Variants in MAOA observed in about 807,000 individuals in gnomAD.
The protein encoded by MAOA is monoamine oxidase A.
MAOA carries 6 observed loss-of-function variants against 42.0 expected under a neutral mutation model. That is an observed-to-expected ratio of 0.14 (90% confidence interval 0.08 to 0.28). MAOA has a LOEUF of 0.28. Among genes scored for constraint, MAOA ranks in the 10% least tolerant of loss-of-function variants. The pLI is 1.00. For synonymous variants in MAOA, 140 were observed against 154.0 expected (o/e 0.91, Z 0.67); for missense variants, 262 against 422.3 (o/e 0.62, Z 3.33).
chrX:43,677,728 G>A (rs921870316), intron 1 of MAOA, among the ~76,000 whole-genome samples: 3 of 111,500 alleles, frequency 2.7e-5, no homozygotes, highest in Non-Finnish European at 5.6e-5. Flanking sequence ...ATATCTCCTT[G>A]TTCACACAAT....
In MAOA at chrX:43,693,221, ATT is replaced by A. The variant is rs200297353; in HGVS notation, c.169-64_169-63del. The A allele has an allele frequency of 5.0e-3, 5,298 of 1,065,825 alleles. 128 individuals carry two copies. In the Admixed American group the frequency reaches 0.074, roughly 15 times the overall value. 87.8% of individuals were successfully genotyped at this position (1,065,825 alleles called of 1,213,427 possible). On this transcript the variant is annotated intron_variant, in intron 2 of 14. Transcript: ENST00000338702. ...AACTTTTAAAAAAATAAATGGGGTTATTTTTTTACAAGACACCTTTTTTCCAA... is the reference window on the plus strand; with the variant it reads ...AACTTTTAAAAAAATAAATGGGGTTATTTTTACAAGACACCTTTTTTCCAA...
At chrX:43,713,947 G>T (rs1368653771) in intron 5 of MAOA, among the ~76,000 whole-genome samples, 1 of 111,328 alleles carries the variant, frequency 9.0e-6, no homozygotes, top group African/African-American at 3.3e-5. Context: ...AAGTTGGGGG[G>T]ATAGTATCTG....
intron 1 of MAOA, among the ~76,000 whole-genome samples, chrX:43,677,958 T>C (rs762302747): frequency 8.9e-6 from 1 of 111,932 alleles, no homozygotes; most frequent in African/African-American, 3.2e-5. Flanking sequence ...TCACAAATTT[T>C]TGACACTAGG....
At position 43,731,804 on chromosome X, in the gene MAOA, T is replaced by C; in HGVS notation, c.906T>C (p.Ala302=). 1 of 1,208,846 alleles carries C rather than the reference T, an allele frequency of 8.3e-7. No homozygotes were observed. The highest frequency in any genetic ancestry group is 1.1e-6 in the Non-Finnish European group (1 of 892,729). Residue 302 remains alanine, a synonymous_variant, in exon 8 of 15, where the codon GCT becomes GCC. Transcript: ENST00000338702. ...TAATTCAGCGGCTTCCAATGGGAGC[T>C]GTCATTAAGTGCATGATGTATTACA... The part of the protein sequence containing the change: ...NQLIQRLPMG[A]VIKCMMYYKE...
intron 6 of MAOA, among the ~76,000 whole-genome samples, chrX:43,730,537 G>A (rs1200420000): frequency 1.1e-5 from 1 of 88,660 alleles, no homozygotes; most frequent in Admixed American, 1.5e-4. Context: ...TGTTGCCCAC[G>A]CTGGAGTGCA....
chrX:43,736,764 G>GTT (rs1238461275), intron 10 of MAOA, among the ~76,000 whole-genome samples: 8 of 101,452 alleles, frequency 7.9e-5, no homozygotes, highest in Admixed American at 5.3e-4. Context: ...TAGGACAGTG[G>GTT]TTTTTTTTTT....
At chrX:43,699,153 A>G (rs1223856679) in intron 3 of MAOA, among the ~76,000 whole-genome samples, 1 of 111,154 alleles carries the variant, frequency 9.0e-6, no homozygotes, top group Non-Finnish European at 1.9e-5. Flanking sequence ...TAAATAAAAT[A>G]AAACATTCTC....
At chrX:43,726,459 C>T (rs1293967402) in intron 5 of MAOA, among the ~76,000 whole-genome samples, 1 of 111,972 alleles carries the variant, frequency 8.9e-6, no homozygotes, top group Admixed American at 9.5e-5. Context: ...TCCACTTGAT[C>T]GATTCGGCTG....
upstream of MAOA, chrX:43,655,152 C>CGCACCAGTACCGGCACCG (rs2033166236): frequency 5.1e-5 from 6 of 118,770 alleles, no homozygotes; most frequent in South Asian, 5.6e-4. Context: ...CACCAGTACC[C>CGCACCAGTACCGGCACCG]GCACCAGTAC....
chrX:43,739,860 C>G (rs1362445264), intron 10 of MAOA, among the ~76,000 whole-genome samples: 1 of 112,020 alleles, frequency 8.9e-6, no homozygotes, highest in African/African-American at 3.2e-5. Flanking sequence ...GAAATAAAAC[C>G]ATTAATTTCT....
intron 5 of MAOA, among the ~76,000 whole-genome samples, chrX:43,726,540 T>A (rs2033837234): frequency 8.9e-6 from 1 of 112,256 alleles, no homozygotes; most frequent in Non-Finnish European, 1.9e-5. Flanking sequence ...TTTATGTTCT[T>A]CTCTACACTG....
chrX:43,740,433 T>TA (rs1455384408), intron 10 of MAOA, among the ~76,000 whole-genome samples: 5 of 111,555 alleles, frequency 4.5e-5, no homozygotes, highest in Non-Finnish European at 9.4e-5. Flanking sequence ...GGCAAAAATG[T>TA]AAAAAAAGAA....
chrX:43,741,772 A>G (rs1340232867), intron 11 of MAOA, among the ~76,000 whole-genome samples, 178 bp from the exon 12 acceptor site: 1 of 112,403 alleles, frequency 8.9e-6, no homozygotes, highest in African/African-American at 3.2e-5. Context: ...GTTTTGCCAC[A>G]TGGTACTTCA....
At chrX:43,711,449 T>C (rs1371769491) in intron 3 of MAOA, among the ~76,000 whole-genome samples, 3 of 112,066 alleles carry the variant, frequency 2.7e-5, no homozygotes, top group African/African-American at 6.5e-5. Context: ...TCTTGTCCTA[T>C]ATGTGGTCTA....
At chrX:43,668,955 A>AT (rs1431051002) in intron 1 of MAOA, among the ~76,000 whole-genome samples, 2 of 111,133 alleles carry the variant, frequency 1.8e-5, no homozygotes, top group African/African-American at 6.5e-5. Context: ...AATAAAAACT[A>AT]TTTTTCTGTT....
At position 43,745,987 on chromosome X, in the gene MAOA, C is replaced by A. The variant is rs2033996390; in HGVS notation, c.*1474C>A. ...AAAGTTTTGCCTATCCTAAGAGCTG[C>A]ATTTTTCTACTGCTCTTTACCTTGC... On this transcript the variant is annotated 3_prime_UTR_variant, in exon 15 of 15. Transcript: ENST00000338702. The A allele has an allele frequency of 8.9e-6, 1 of 111,905 alleles. No individual in the cohort carries two copies. Among genetic ancestry groups the A allele is most frequent in the Admixed American group, 9.5e-5 (1 of 10,550 alleles). The allele number at this position is 111,905 out of a possible 1,213,427, so 9.2% of individuals were successfully genotyped here.
At chrX:43,664,550 C>T (rs1207097876) in intron 1 of MAOA, among the ~76,000 whole-genome samples, 4 of 111,513 alleles carry the variant, frequency 3.6e-5, no homozygotes, top group Middle Eastern at 4.6e-3. Context: ...AAGTCATACT[C>T]GACAGAAGTG....
intron 3 of MAOA, among the ~76,000 whole-genome samples, chrX:43,702,284 C>A (rs891144079): frequency 8.9e-6 from 1 of 111,858 alleles, no homozygotes; most frequent in Non-Finnish European, 1.9e-5. Flanking sequence ...TTTTGAAAAC[C>A]TGCTGGGCCA....
intron 3 of MAOA, among the ~76,000 whole-genome samples, chrX:43,703,778 C>A (rs1408850490): frequency 9.0e-6 from 1 of 111,347 alleles, no homozygotes; most frequent in Non-Finnish European, 1.9e-5. Context: ...AATTAGGAGT[C>A]CTAGGAAGCC....
Sources: allele counts gnomAD v4.1 joint callset (sites outside exome capture counted in the v4.1 genomes callset), GRCh38; gene constraint gnomAD v4.1.1; transcripts MANE v1.5; gene names NCBI Gene and HGNC (gene_info 2026-07-23, HGNC 2026-07-21).